Variants in SCTR observed in about 807,000 individuals in gnomAD.
SCTR encodes the protein secretin receptor.
A neutral mutation model predicts 60.8 loss-of-function variants in SCTR; 56 were observed. That is an observed-to-expected ratio of 0.92 (90% CI 0.74 to 1.15). The LOEUF is 1.15. SCTR is among the 50% of genes most tolerant of loss of function. SCTR has a pLI of 0.00. For missense variants in SCTR, 562 were observed against 550.4 expected, an observed-to-expected ratio of 1.02 and a Z score of -0.21; for synonymous variants, 202 against 217.0, an observed-to-expected ratio of 0.93 and a Z score of 0.61.
intron 1 of SCTR, among the ~76,000 whole-genome samples, chr2:119,522,884 T>G (rs1203940067): frequency 6.6e-6 from 1 of 152,222 alleles, no homozygotes; most frequent in Non-Finnish European, 1.5e-5. Context: ...CTCTAGCGTC[T>G]TCCAAGGCCA....
chr2:119,507,284 C>T (rs1368923863), intron 1 of SCTR, among the ~76,000 whole-genome samples: 1 of 152,106 alleles, frequency 6.6e-6, no homozygotes, highest in East Asian at 1.9e-4. Context: ...CTTATATGTA[C>T]AGTATGATTG....
At position 119,475,725 on chromosome 2, in the gene SCTR, T is replaced by A. The variant is rs958709420; in HGVS notation, c.302-2169A>T. On this transcript the variant is annotated intron_variant, in intron 3 of 12. Transcript: ENST00000019103. Reference sequence around the variant, plus strand: ...AATATATATATTATGTGCATATATATAAATATATAGATATATAGATATATA... The same window carrying A: ...AATATATATATTATGTGCATATATAAAAATATATAGATATATAGATATATA... Among the ~76,000 whole-genome samples the A allele has an allele frequency of 2.0e-5, 3 of 147,968 alleles. No individual in the cohort carries two copies. The East Asian group carries it at 5.9e-4, about 29-fold the overall frequency.
chr2:119,503,439 G>T (rs72834827), intron 1 of SCTR, among the ~76,000 whole-genome samples: 4 of 152,086 alleles, frequency 2.6e-5, no homozygotes, highest in Non-Finnish European at 5.9e-5. Flanking sequence ...GCATGGTGGC[G>T]TGCATAGGAT....
At chr2:119,509,014 C>T (rs375187659) in intron 1 of SCTR, among the ~76,000 whole-genome samples, 3 of 152,218 alleles carry the variant, frequency 2.0e-5, no homozygotes, top group African/African-American at 4.8e-5. Flanking sequence ...CTGGTCTCAA[C>T]GCCCTATGGG....
intron 7 of SCTR, 36 bp from the exon 8 acceptor site, chr2:119,453,383 G>C (rs781452925): frequency 1.3e-6 from 2 of 1,549,588 alleles, no homozygotes; most frequent in South Asian, 2.2e-5. Flanking sequence ...GCAGAAGAGA[G>C]AGGACTCAAT....
chr2:119,457,229 T>C (rs1030706358), intron 7 of SCTR, among the ~76,000 whole-genome samples: 1 of 151,916 alleles, frequency 6.6e-6, no homozygotes, highest in Non-Finnish European at 1.5e-5. Context: ...AATATATATA[T>C]ATAAAAAGCA....
At chr2:119,473,746 C>G (rs113120145) in intron 3 of SCTR, among the ~76,000 whole-genome samples, 190 bp from the exon 4 acceptor site, 114 of 152,134 alleles carry the variant, frequency 7.5e-4, no homozygotes, top group Non-Finnish European at 1.4e-3. Context: ...CCCTGGGGCT[C>G]GGGCTCCAGA....
rs753737788 is a variant in SCTR, at chr2:119,452,053, G to A, written c.878C>T (p.Ser293Phe). ...VGCWDINANA[S>F]IWWIIRGPVI... is the part of the protein sequence containing the mutation. Reference sequence around the variant, plus strand: ...AGGACCACGAATGATCCACCAGATGGATGCGTTGGCATTGATGTCCCAGCA... The same window carrying A: ...AGGACCACGAATGATCCACCAGATGAATGCGTTGGCATTGATGTCCCAGCA... Residue 293 changes from serine to phenylalanine, a missense_variant, in exon 9 of 13, where the codon TCC becomes TTC. By Grantham distance (155) the Ser-to-Phe change is radical (BLOSUM62 -2). Coordinates refer to ENST00000019103, the MANE Select transcript of SCTR (RefSeq NM_002980.3). 6.2e-7 allele frequency: 1 copy of A among 1,609,118 alleles called. No homozygotes were observed. Among genetic ancestry groups the A allele is most frequent in the Admixed American group, 1.7e-5 (1 of 59,808 alleles).
Position 119,453,322 on chromosome 2 carries a change from C to G in SCTR, c.816G>C (p.Leu272Phe). ...CCAGAAAGTGTCTGGCAATAGCCCA[C>G]AAAGCAACAAAAATGGCTGGAGAAC... ...GWGSPAIFVALWAIARHFLED... is the reference protein window; with the variant it reads ...GWGSPAIFVAFWAIARHFLED... The change falls in exon 8 of 13, where the codon TTG becomes TTC. Residue 272 changes from leucine (L) to phenylalanine (F), a missense_variant. Transcript: ENST00000019103. 6.2e-7 allele frequency: 1 copy of G among 1,613,874 alleles called. No individual in the cohort carries two copies.
Position 119,517,589 on chromosome 2 carries a change from G to A in SCTR, c.72+6566C>T, listed in dbSNP as rs77790884. ...AGGTTGCAGTGTGAGAGTGAGTGAAGTGGAGGCAATGAAGGTGGACGCGTC... is the reference window on the plus strand; with the variant it reads ...AGGTTGCAGTGTGAGAGTGAGTGAAATGGAGGCAATGAAGGTGGACGCGTC... On this transcript the variant is annotated intron_variant, in intron 1 of 12. Coordinates refer to ENST00000019103, the MANE Select transcript of SCTR (RefSeq NM_002980.3). Among the ~76,000 whole-genome samples, 519 of 152,378 alleles carry A rather than the reference G, an allele frequency of 3.4e-3. 2 individuals are homozygous for A. The highest frequency in any genetic ancestry group is 0.01 in the Middle Eastern group (3 of 294).
chr2:119,519,421 A>T (rs1188063913), intron 1 of SCTR, among the ~76,000 whole-genome samples: 1 of 152,202 alleles, frequency 6.6e-6, no homozygotes, highest in East Asian at 1.9e-4. Flanking sequence ...TTAAATGAAA[A>T]TTAATGCTAT....
chr2:119,518,786 G>A (rs1449368463), intron 1 of SCTR, among the ~76,000 whole-genome samples: 1 of 152,180 alleles, frequency 6.6e-6, no homozygotes, highest in Admixed American at 6.5e-5. Context: ...TGGTGGTGGA[G>A]CTCGAATCCC....
In SCTR at chr2:119,459,759, G is replaced by A. The variant is rs1683525682; in HGVS notation, c.790+2088C>T. Among the ~76,000 whole-genome samples, 3 of 152,232 alleles carry A rather than the reference G, an allele frequency of 2.0e-5. No homozygotes were observed. In the South Asian group the frequency reaches 6.2e-4, roughly 32 times the overall value. On this transcript the variant is annotated intron_variant, in intron 7 of 12. Transcript: ENST00000019103. Reference sequence around the variant, plus strand: ...TCCAACATCTTAAAATCCTGTGACAGAGATACTATCACAATGCAGCTTTGT... The same window carrying A: ...TCCAACATCTTAAAATCCTGTGACAAAGATACTATCACAATGCAGCTTTGT...
At chr2:119,472,208 A>G (rs1677051415) in intron 4 of SCTR, among the ~76,000 whole-genome samples, 1 of 152,202 alleles carries the variant, frequency 6.6e-6, no homozygotes, top group Non-Finnish European at 1.5e-5. Context: ...TTTTAATGTA[A>G]CATGGTAGGT....
At chr2:119,478,611 C>G (rs940960066) in intron 3 of SCTR, among the ~76,000 whole-genome samples, 200 bp downstream of exon 3, 9 of 152,136 alleles carry the variant, frequency 5.9e-5, no homozygotes, top group Non-Finnish European at 1.0e-4. Context: ...GCCTCCTGCC[C>G]CCTTGCTTGA....
chr2:119,453,286 C>G lies in SCTR; in HGVS notation c.851+1G>C, dbSNP rs745430785. 6.0e-5 allele frequency: 97 copies of G among 1,606,098 alleles called. No individual in the cohort carries two copies. The highest frequency in any genetic ancestry group is 7.7e-5 in the Non-Finnish European group (90 of 1,172,886). ...TTGTTATCCTCCTTCCGTTAGCTTA[C>G]CCAACATCTTCCAGAAAGTGTCTGG... On this transcript the variant is annotated splice_donor_variant, in intron 8 of 12. Transcript: ENST00000019103. LOFTEE classifies it high-confidence loss of function.
In SCTR at chr2:119,467,968, T is replaced by C. The variant is rs564114762; in HGVS notation, c.406-2082A>G. ...TAAATAAATTTTAAAAAGATTTATA[T>C]GAAATTACCTTTTGTGTAGATCCAA... On this transcript the variant is annotated intron_variant, in intron 4 of 12. Coordinates refer to ENST00000019103, the MANE Select transcript of SCTR (RefSeq NM_002980.3). Among the ~76,000 whole-genome samples, 13 of 152,288 alleles carry C rather than the reference T, an allele frequency of 8.5e-5. 1 individual carries two copies. The highest frequency in any genetic ancestry group is 2.6e-4 in the African/African-American group (11 of 41,572).
chr2:119,439,909 A>T lies in SCTR; in HGVS notation c.*208T>A, dbSNP rs1682590322. On this transcript the variant is annotated 3_prime_UTR_variant, in exon 13 of 13. Coordinates refer to ENST00000019103, the MANE Select transcript of SCTR (RefSeq NM_002980.3). ...CTGGGACCCCTGAACTTCTCTTCCC[A>T]GAAGAGCAAACGAACCAAATCCCAG... 1 of 549,090 alleles carries T rather than the reference A, an allele frequency of 1.8e-6. No homozygotes were observed. Among genetic ancestry groups the T allele is most frequent in the East Asian group, 2.9e-5 (1 of 34,142 alleles). The allele number at this position is 549,090 out of a possible 1,614,324, so 34.0% of individuals were successfully genotyped here.
chr2:119,460,717 C>T (rs189215738), intron 7 of SCTR, among the ~76,000 whole-genome samples: 7 of 152,226 alleles, frequency 4.6e-5, no homozygotes, highest in Middle Eastern at 3.4e-3. Context: ...CTTCATTGAC[C>T]GAAAAGGAAA....
Sources: allele counts gnomAD v4.1 joint callset (sites outside exome capture counted in the v4.1 genomes callset), GRCh38; gene constraint gnomAD v4.1.1; transcripts MANE v1.5; gene names NCBI Gene and HGNC (gene_info 2026-07-23, HGNC 2026-07-21).